KIF3C: variants seen among roughly 807,000 people sequenced by gnomAD.
KIF3C encodes the protein kinesin family member 3C.
A neutral mutation model predicts 67.7 loss-of-function variants in KIF3C; 12 were observed. The ratio of observed to expected loss-of-function variants is 0.18; its 90% CI spans 0.11 to 0.29. The LOEUF is 0.29. Ranked by LOEUF, KIF3C falls within the 10% of genes least tolerant of loss-of-function variation. The pLI, the probability that KIF3C is intolerant of heterozygous loss-of-function variation, is 1.00. For synonymous variants in KIF3C, 393 were observed against 426.2 expected (o/e 0.92, Z 0.96); for missense variants, 789 against 1,059.6 (o/e 0.74, Z 3.55).
At chr2:25,977,044 C>G (rs2149244368) in intron 1 of KIF3C, among the ~76,000 whole-genome samples, 1 of 152,218 alleles carries the variant, frequency 6.6e-6, no homozygotes, top group South Asian at 2.1e-4. Flanking sequence ...CCCTCCCTCC[C>G]CCAGACACTA....
chr2:25,976,633 C>A (rs1179265024), intron 1 of KIF3C, among the ~76,000 whole-genome samples: 1 of 152,090 alleles, frequency 6.6e-6, no homozygotes, highest in Admixed American at 6.6e-5. Flanking sequence ...TGGTGGTGGG[C>A]ACCTGTAATC....
In KIF3C at chr2:25,980,038, T is replaced by C. The variant is rs112175515; in HGVS notation, c.1545+335A>G. 2.6e-5 allele frequency among the ~76,000 whole-genome samples: 4 copies of C among 152,090 alleles called. No individual in the cohort carries two copies. The highest frequency in any genetic ancestry group is 9.7e-5 in the African/African-American group (4 of 41,396). On this transcript the variant is annotated intron_variant, in intron 1 of 7. Coordinates refer to ENST00000264712, the MANE Select transcript of KIF3C (RefSeq NM_002254.8). This position sits in a 1 kb window ranked among gnomAD's most constrained non-coding sequence, Gnocchi z 7.6. ...GGCTGTGAAGGAACAAGAACCCACA[T>C]TCACAAGAGGCTGCCTGGCCATCCC...
chr2:25,937,810 T>G (rs1663173577), intron 5 of KIF3C, among the ~76,000 whole-genome samples: 1 of 152,090 alleles, frequency 6.6e-6, no homozygotes, highest in Admixed American at 6.6e-5. Context: ...AATCCCACAC[T>G]TTGGGAGGCT....
At chr2:25,953,981 T>A (rs957103594) in intron 4 of KIF3C, 5 of 325,486 alleles carry the variant, frequency 1.5e-5, no homozygotes, top group African/African-American at 6.4e-5. Flanking sequence ...AAATAATTTT[T>A]AAAAAATTTA....
At chr2:25,959,542 C>T (rs375166630) in intron 1 of KIF3C, among the ~76,000 whole-genome samples, 41 of 152,152 alleles carry the variant, frequency 2.7e-4, no homozygotes, top group African/African-American at 9.2e-4. Context: ...CACGTTCAAG[C>T]GATTCTCCTG....
chr2:25,939,240 T>A (rs561246596), intron 5 of KIF3C, among the ~76,000 whole-genome samples: 1 of 152,184 alleles, frequency 6.6e-6, no homozygotes, highest in Non-Finnish European at 1.5e-5. Flanking sequence ...AGTGCTGGGA[T>A]TACAGGTGTG....
At position 25,929,289 on chromosome 2, in the gene KIF3C, C is replaced by T. The variant is rs1341272661; in HGVS notation, c.2288+16G>A. 2 of 1,611,218 alleles carry T rather than the reference C, an allele frequency of 1.2e-6. No homozygotes were observed. The highest frequency in any genetic ancestry group is 2.2e-5 in the East Asian group (1 of 44,768). ...CTCCTGGGTCCAGTGCTGCCTGGGA[C>T]CATGGAGGTACTGACCAGGATCTGG... On this transcript the variant is annotated intron_variant, in intron 7 of 7. Transcript: ENST00000264712.
intron 5 of KIF3C, among the ~76,000 whole-genome samples, chr2:25,942,059 TA>T (rs1400315159): frequency 6.6e-6 from 1 of 151,584 alleles, no homozygotes; most frequent in African/African-American, 2.4e-5. Flanking sequence ...AAAAATTAAA[TA>T]AAATTTAAAA....
intron 1 of KIF3C, among the ~76,000 whole-genome samples, chr2:25,977,691 C>A (rs1007483258): frequency 2.0e-5 from 3 of 152,210 alleles, no homozygotes; most frequent in Non-Finnish European, 4.4e-5. Context: ...TGCTAATGAT[C>A]TCATTTAATC....
At chr2:25,963,604 C>T (rs1431354213) in intron 1 of KIF3C, among the ~76,000 whole-genome samples, 1 of 151,628 alleles carries the variant, frequency 6.6e-6, no homozygotes, top group Non-Finnish European at 1.5e-5. Flanking sequence ...ATTCTAATGA[C>T]TTAAACTACT....
At chr2:25,964,780 C>T (rs1664099451) in intron 1 of KIF3C, among the ~76,000 whole-genome samples, 1 of 152,214 alleles carries the variant, frequency 6.6e-6, no homozygotes. Flanking sequence ...TTCTTGAAGC[C>T]ACCTGGACAC....
intron 3 of KIF3C, 40 bp from the exon 4 acceptor site, chr2:25,954,425 G>C: frequency 6.7e-7 from 1 of 1,495,344 alleles, no homozygotes; most frequent in African/African-American, 1.4e-5. Flanking sequence ...TGCTTGGTGT[G>C]GCAACGAGGC....
At chr2:25,953,244 G>A (rs1047577665) in intron 4 of KIF3C, among the ~76,000 whole-genome samples, 3 of 151,070 alleles carry the variant, frequency 2.0e-5, no homozygotes, top group African/African-American at 7.3e-5. Flanking sequence ...ACTCCAGGGT[G>A]GATGATAGAG....
chr2:25,966,318 C>T (rs140246597), intron 1 of KIF3C, among the ~76,000 whole-genome samples: 1 of 152,234 alleles, frequency 6.6e-6, no homozygotes, highest in African/African-American at 2.4e-5. Context: ...GTTGGCCAGG[C>T]TGGTCTCGAA....
chr2:25,952,294 C>A (rs967475365), intron 4 of KIF3C, among the ~76,000 whole-genome samples: 2 of 149,912 alleles, frequency 1.3e-5, no homozygotes, highest in Non-Finnish European at 3.0e-5. Context: ...GAGTGAGACT[C>A]CGTCTCAAAA....
At chr2:25,946,708 G>A (rs1663448373) in intron 5 of KIF3C, among the ~76,000 whole-genome samples, 1 of 151,370 alleles carries the variant, frequency 6.6e-6, no homozygotes, top group East Asian at 1.9e-4. Context: ...CAAAAACTTG[G>A]CTGGGTGTCG....
intron 1 of KIF3C, among the ~76,000 whole-genome samples, chr2:25,972,182 A>AT (rs1383343570): frequency 2.0e-5 from 3 of 151,910 alleles, no homozygotes; most frequent in Non-Finnish European, 4.4e-5. Flanking sequence ...CAATGAGAAT[A>AT]TTGTCAAAGC....
chr2:25,958,564 G>A lies in KIF3C; in HGVS notation c.1546-2120C>T, dbSNP rs1182861852. ...CCACTGCACTCCAGCCTGGGTGCCAGAGTGAGACTTCATCACAAAAAACAA... is the reference window on the plus strand; with the variant it reads ...CCACTGCACTCCAGCCTGGGTGCCAAAGTGAGACTTCATCACAAAAAACAA... On this transcript the variant is annotated intron_variant, in intron 1 of 7. Coordinates refer to ENST00000264712, the MANE Select transcript of KIF3C (RefSeq NM_002254.8). The surrounding 1 kb of genome is among the most constrained non-coding windows in gnomAD (Gnocchi z 4.5). Among the ~76,000 whole-genome samples the A allele has an allele frequency of 6.6e-6, 1 of 151,240 alleles. No individual in the cohort carries two copies.
rs368654740 is a variant in KIF3C at position 25,951,926 on chromosome 2, G to A, written c.1890-21C>T. 23 of 1,541,560 alleles carry A rather than the reference G, an allele frequency of 1.5e-5. No homozygotes were observed. In the African/African-American group the frequency reaches 2.3e-4, roughly 16 times the overall value. On this transcript the variant is annotated intron_variant, in intron 4 of 7. Transcript: ENST00000264712. ...GGTACCTGGGAGCAGGAATGAAGGAGTGATGGGAAAATGGGTGAGCGAGAG... is the reference window on the plus strand; with the variant it reads ...GGTACCTGGGAGCAGGAATGAAGGAATGATGGGAAAATGGGTGAGCGAGAG...
Sources: gnomAD v4.1 joint callset for allele counts (sites outside exome capture counted in the v4.1 genomes callset) on GRCh38, gnomAD v4.1.1 for gene constraint, Gnocchi (gnomAD v3.1) non-coding constraint, MANE v1.5 for transcripts, NCBI Gene and HGNC (gene_info 2026-07-23, HGNC 2026-07-21) for gene names.